RAB30: variants seen among roughly 807,000 people sequenced by gnomAD.
RAB30 encodes ras-related protein Rab-30.
In RAB30, 9 loss-of-function variants were observed where a neutral mutation model predicts 25.1. That is an observed-to-expected ratio of 0.36 (90% CI 0.22 to 0.63). The LOEUF (loss-of-function observed/expected upper bound fraction) is 0.63. Ranked by LOEUF, RAB30 falls within the 20% of genes least tolerant of loss-of-function variation. RAB30 has a pLI of 0.69. For synonymous variants in RAB30, 77 were observed against 86.4 expected (o/e 0.89, Z 0.60); for missense variants, 140 against 243.5 (o/e 0.58, Z 2.83).
chr11:83,061,897 T>C (rs1007610030), intron 1 of RAB30, among the ~76,000 whole-genome samples: 6 of 151,794 alleles, frequency 4.0e-5, no homozygotes, highest in African/African-American at 1.5e-4. Context: ...TCGAATTAAG[T>C]TGGAAAAAGA....
intron 1 of RAB30, among the ~76,000 whole-genome samples, chr11:83,011,370 A>G (rs1043577935): frequency 4.6e-5 from 7 of 152,212 alleles, no homozygotes; most frequent in African/African-American, 1.7e-4. Context: ...CTTAATATAA[A>G]TCTTGTACTA....
chr11:83,069,178 T>C (rs1006544085), intron 1 of RAB30, among the ~76,000 whole-genome samples: 13 of 152,188 alleles, frequency 8.5e-5, no homozygotes, highest in Non-Finnish European at 1.6e-4. Flanking sequence ...TGAGGCCAAA[T>C]CTAACACTAC....
intron 1 of RAB30, among the ~76,000 whole-genome samples, chr11:83,036,168 C>CTT (rs1187623873): frequency 1.7e-4 from 24 of 138,116 alleles, no homozygotes; most frequent in Admixed American, 5.1e-4. Flanking sequence ...GGTTCAAATT[C>CTT]TTTTTTTTTT....
intron 1 of RAB30, among the ~76,000 whole-genome samples, chr11:83,032,146 T>C (rs936845267): frequency 6.6e-6 from 1 of 152,148 alleles, no homozygotes; most frequent in African/African-American, 2.4e-5. Flanking sequence ...GATCCTTATT[T>C]CCTAGGACTC....
At chr11:83,009,472 G>T (rs1650881356) in intron 1 of RAB30, among the ~76,000 whole-genome samples, 1 of 152,168 alleles carries the variant, frequency 6.6e-6, no homozygotes, top group Non-Finnish European at 1.5e-5. Flanking sequence ...GCAGGGTACA[G>T]TTTGAGAGCT....
rs1029477547 is a variant in RAB30 at position 82,984,215 on chromosome 11, T to C, written c.362-1800A>G. 2.6e-5 allele frequency among the ~76,000 whole-genome samples: 4 copies of C among 152,320 alleles called. No homozygotes were observed. The East Asian group carries it at 7.7e-4, about 29-fold the overall frequency. ...CTGGCCTGGGAATTCTATCTAAGAA[T>C]TATAAATACCTAATGGAAAGCCATA... On this transcript the variant is annotated intron_variant, in intron 4 of 4. Coordinates refer to ENST00000527633, the MANE Select transcript of RAB30 (RefSeq NM_001286060.2).
chr11:83,026,839 GAAGAT>G (rs1272491381), intron 1 of RAB30, among the ~76,000 whole-genome samples: 1 of 152,032 alleles, frequency 6.6e-6, no homozygotes, highest in Admixed American at 6.5e-5. Flanking sequence ...TAAGTACAGA[GAAGAT>G]AAGACAATGG....
At chr11:83,036,059 C>A (rs1415330333) in intron 1 of RAB30, among the ~76,000 whole-genome samples, 1 of 152,082 alleles carries the variant, frequency 6.6e-6, no homozygotes, top group Admixed American at 6.5e-5. Context: ...GCACAACATT[C>A]TGTAAGGTAG....
chr11:83,029,492 T>C (rs1311165233), intron 1 of RAB30, among the ~76,000 whole-genome samples: 1 of 152,006 alleles, frequency 6.6e-6, no homozygotes, highest in South Asian at 2.1e-4. Flanking sequence ...AGCCTCAACC[T>C]CTGGGATGCA....
chr11:83,001,631 A>C (rs1387366620), intron 1 of RAB30, among the ~76,000 whole-genome samples: 1 of 152,226 alleles, frequency 6.6e-6, no homozygotes, highest in Non-Finnish European at 1.5e-5. Flanking sequence ...AAAAGATCAC[A>C]AGATTATCTG....
At chr11:83,023,513 C>G (rs1490302837) in intron 1 of RAB30, among the ~76,000 whole-genome samples, 1 of 152,142 alleles carries the variant, frequency 6.6e-6, no homozygotes, top group African/African-American at 2.4e-5. Context: ...CTCTTCTACT[C>G]GTGCTACTGC....
At chr11:82,997,534 G>A (rs1329392912) in intron 1 of RAB30, 6 of 508,914 alleles carry the variant, frequency 1.2e-5, no homozygotes, top group East Asian at 6.7e-5. Flanking sequence ...TCATGCCACA[G>A]AGAATAAATG....
intron 1 of RAB30, among the ~76,000 whole-genome samples, chr11:83,037,306 G>T (rs963485136): frequency 6.6e-6 from 1 of 152,110 alleles, no homozygotes; most frequent in Non-Finnish European, 1.5e-5. Flanking sequence ...CTGGACTACA[G>T]TGGTGTGATC....
chr11:83,024,323 C>T (rs11233428), intron 1 of RAB30, among the ~76,000 whole-genome samples: 7,619 of 152,230 alleles, frequency 0.05, 274 homozygotes, highest in East Asian at 0.11. Context: ...AAGGACACAG[C>T]GAGCAAGCTC....
Position 82,976,202 on chromosome 11 carries a change from G to C in RAB30, c.*5963C>G, listed in dbSNP as rs529295052. 7.2e-6 allele frequency: 1 copy of C among 138,408 alleles called. No individual in the cohort carries two copies. The highest frequency in any genetic ancestry group is 1.6e-5 in the Non-Finnish European group (1 of 62,042). The allele number at this position is 138,408 out of a possible 1,614,324, so 8.6% of individuals were successfully genotyped here. A position where few individuals can be genotyped will look rare whatever the true frequency, so the allele number is the denominator to read the frequency against. On this transcript the variant is annotated 3_prime_UTR_variant, in exon 5 of 5. Coordinates refer to ENST00000527633, the MANE Select transcript of RAB30 (RefSeq NM_001286060.2). ...TCTTTGAAGCCAGGAAAGTTTCTTT[G>C]TTTTGTCTCTTAAGGATCTACACTT... is the stretch of plus-strand genomic sequence containing the variant.
chr11:83,030,097 G>A (rs1298117265), intron 1 of RAB30, among the ~76,000 whole-genome samples: 1 of 152,156 alleles, frequency 6.6e-6, no homozygotes, highest in Non-Finnish European at 1.5e-5. Flanking sequence ...GGTGTACACT[G>A]TTTGGTTGAC....
chr11:83,009,603 C>CA (rs1344095920), intron 1 of RAB30, among the ~76,000 whole-genome samples: 2 of 150,530 alleles, frequency 1.3e-5, no homozygotes, highest in Non-Finnish European at 2.9e-5. Context: ...CCAAAAACAC[C>CA]AAAAATAAAT....
intron 3 of RAB30, among the ~76,000 whole-genome samples, chr11:82,993,398 G>C (rs1354626319): frequency 6.6e-6 from 1 of 152,194 alleles, no homozygotes; most frequent in East Asian, 1.9e-4. Flanking sequence ...TTTACAGTAA[G>C]GACTAAACTA....
intron 1 of RAB30, among the ~76,000 whole-genome samples, chr11:83,045,850 A>G (rs1286894812): frequency 6.6e-6 from 1 of 152,194 alleles, no homozygotes; most frequent in African/African-American, 2.4e-5. Context: ...TGAGATTCTA[A>G]TAATTAGCTG....
Sources: allele counts gnomAD v4.1 joint callset (sites outside exome capture counted in the v4.1 genomes callset), GRCh38; gene constraint gnomAD v4.1.1; transcripts MANE v1.5; gene names NCBI Gene and HGNC (gene_info 2026-07-23, HGNC 2026-07-21).